The following TET3 variants were observed in gnomAD, a reference collection of about 807,000 sequenced individuals.
TET3 encodes the protein tet methylcytosine dioxygenase 3.
TET3 carries 19 observed loss-of-function variants against 141.4 expected under a neutral mutation model. The observed-to-expected ratio is 0.13, with a 90% CI of 0.09 to 0.20. TET3 has a LOEUF of 0.20. TET3 is among the 10% of genes least tolerant of loss of function. The pLI is 1.00. For missense variants in TET3, 1,874 were observed against 2,356.9 expected (o/e 0.80, Z 4.24); for synonymous variants, 1,043 against 980.9 (o/e 1.06, Z -1.18).
At chr2:74,058,345 C>T (rs1407500488) in intron 4 of TET3, among the ~76,000 whole-genome samples, 2 of 152,084 alleles carry the variant, frequency 1.3e-5, no homozygotes, top group East Asian at 3.9e-4. Context: ...ACTCGGTGTT[C>T]TCGGCGAACA....
chr2:74,066,367 A>C (rs181655823), intron 4 of TET3, among the ~76,000 whole-genome samples: 139 of 152,390 alleles, frequency 9.1e-4, no homozygotes, highest in African/African-American at 3.2e-3. Context: ...AGACATTTAC[A>C]TAACAAGAAA....
rs933360638 is a variant in TET3, at chr2:74,107,625, G to A, written c.*5449G>A. 5 of 152,188 alleles carry A rather than the reference G, an allele frequency of 3.3e-5. No homozygotes were observed. Among genetic ancestry groups the A allele is most frequent in the African/African-American group, 9.6e-5 (4 of 41,528 alleles). 9.4% of individuals were successfully genotyped at this position (152,188 alleles called of 1,614,324 possible). A position where few individuals can be genotyped will look rare whatever the true frequency, so the allele number is the denominator to read the frequency against. On this transcript the variant is annotated 3_prime_UTR_variant, in exon 12 of 12. Coordinates refer to ENST00000409262, the MANE Select transcript of TET3 (RefSeq NM_001287491.2). Reference sequence around the variant, plus strand: ...AAGAAACAAGGGCAGGTCGTATAATGGCATATTAATACATTAGACTTAATC... The same window carrying A: ...AAGAAACAAGGGCAGGTCGTATAATAGCATATTAATACATTAGACTTAATC...
the TET3 span, among the ~76,000 whole-genome samples, chr2:74,113,766 A>G: frequency 6.6e-6 from 1 of 151,982 alleles, no homozygotes; most frequent in Non-Finnish European, 1.5e-5. Context: ...GATGTCTACA[A>G]GGAAAACTAC....
chr2:74,037,251 T>TA (rs1056337808), intron 3 of TET3, among the ~76,000 whole-genome samples: 3 of 152,212 alleles, frequency 2.0e-5, no homozygotes, highest in African/African-American at 7.2e-5. Flanking sequence ...GTTTTATCAA[T>TA]AAATCTTCCG....
At chr2:74,018,187 G>A (rs141274438) in intron 3 of TET3, among the ~76,000 whole-genome samples, 66 of 151,908 alleles carry the variant, frequency 4.3e-4, no homozygotes, top group African/African-American at 1.5e-3. Context: ...GGCTGTTTTC[G>A]AACTCGCGCC....
intron 4 of TET3, among the ~76,000 whole-genome samples, chr2:74,050,254 G>A (rs967942921): frequency 6.6e-6 from 1 of 152,154 alleles, no homozygotes; most frequent in African/African-American, 2.4e-5. Context: ...ACCCATCACG[G>A]TTTCTGCTTC....
At chr2:74,071,946 C>A (rs191097910) in intron 4 of TET3, among the ~76,000 whole-genome samples, 1 of 152,150 alleles carries the variant, frequency 6.6e-6, no homozygotes, top group Non-Finnish European at 1.5e-5. Context: ...TTGAGCTTCA[C>A]GTAAAATTAA....
At chr2:73,988,990 GTTTTTTTTGTT>G (rs1684189794) in intron 2 of TET3, among the ~76,000 whole-genome samples, 3 of 106,304 alleles carry the variant, frequency 2.8e-5, no homozygotes, top group Non-Finnish European at 5.9e-5. Context: ...AAAAAAAAAA[GTTTTTTTTGTT>G]TTTTTTTTTT....
the TET3 span, among the ~76,000 whole-genome samples, chr2:74,129,058 G>A: frequency 0.22 from 31,724 of 147,090 alleles, 3,775 homozygotes; most frequent in East Asian, 0.42. Context: ...CCAGCACTTT[G>A]GGATTAGTGC....
At chr2:74,075,422 A>G (rs1051629091) in intron 5 of TET3, among the ~76,000 whole-genome samples, 8 of 135,134 alleles carry the variant, frequency 5.9e-5, no homozygotes, top group Non-Finnish European at 1.2e-4. Context: ...TCTGCCTCCC[A>G]GGTTCAAGCA....
chr2:74,061,785 G>T (rs1273096175), intron 4 of TET3, among the ~76,000 whole-genome samples: 1 of 139,734 alleles, frequency 7.2e-6, no homozygotes, highest in African/African-American at 2.8e-5. Context: ...AGACGGGGTC[G>T]CGGCCGGGTA....
the TET3 span, among the ~76,000 whole-genome samples, chr2:74,119,932 T>G: frequency 6.6e-6 from 1 of 152,248 alleles, no homozygotes; most frequent in African/African-American, 2.4e-5. Context: ...TATACAAAAT[T>G]CAACCAACGG....
the TET3 span, among the ~76,000 whole-genome samples, chr2:74,119,409 G>T: frequency 6.6e-6 from 1 of 150,450 alleles, no homozygotes; most frequent in Non-Finnish European, 1.5e-5. Flanking sequence ...CAATTGCTTT[G>T]CAGAATGTTC....
the TET3 span, chr2:74,134,346 G>A: frequency 4.6e-6 from 1 of 218,638 alleles, no homozygotes; most frequent in Admixed American, 5.3e-5. Context: ...AGGCAGTTCT[G>A]CCCTGGCAGG....
intron 3 of TET3, among the ~76,000 whole-genome samples, chr2:74,031,893 A>G (rs2105293578): frequency 6.6e-6 from 1 of 152,356 alleles, no homozygotes; most frequent in African/African-American, 2.4e-5. Flanking sequence ...AAGAATGATT[A>G]GAACCTTGGT....
At chr2:74,084,824 C>T (rs188748489) in intron 6 of TET3, among the ~76,000 whole-genome samples, 1 of 152,160 alleles carries the variant, frequency 6.6e-6, no homozygotes, top group Non-Finnish European at 1.5e-5. Flanking sequence ...GTAGTCCCAG[C>T]TACTCTGGAG....
At position 74,046,601 on chromosome 2, in the gene TET3, G is replaced by A. The variant is rs1401175582; in HGVS notation, c.684G>A (p.Met228Ile). ...TCTATGAAACCTTCAACCGTGAGAT[G>A]AGTCGTGAGGCTGGGAACAACAGCA... ...TRLYETFNREMSREAGNNSRG... is the reference protein window; with the variant it reads ...TRLYETFNREISREAGNNSRG... Residue 228 changes from methionine to isoleucine, a missense_variant, in exon 4 of 12, where the codon ATG becomes ATA. Around this residue, in one of 10 missense-constraint regions of TET3, gnomAD observed 366 missense variants for 487.0 expected, o/e 0.75. Transcript: ENST00000409262. This position sits in a 1 kb window ranked among gnomAD's most constrained non-coding sequence, Gnocchi z 4.3. The A allele has an allele frequency of 6.2e-7, 1 of 1,614,060 alleles. No individual in the cohort carries two copies. Among genetic ancestry groups the A allele is most frequent in the Non-Finnish European group, 8.5e-7 (1 of 1,179,886 alleles).
chr2:74,061,696 T>C (rs1273455315), intron 4 of TET3, among the ~76,000 whole-genome samples: 4 of 111,974 alleles, frequency 3.6e-5, no homozygotes, highest in African/African-American at 3.7e-5. Context: ...TCCTCACTTC[T>C]CAGACGGGGC....
chr2:74,028,138 C>T (rs1191139173), intron 3 of TET3, among the ~76,000 whole-genome samples: 1 of 151,688 alleles, frequency 6.6e-6, no homozygotes, highest in Non-Finnish European at 1.5e-5. Flanking sequence ...TGTGTGCCAC[C>T]ACCATGCCTG....
Sources: gnomAD v4.1 joint callset for allele counts (sites outside exome capture counted in the v4.1 genomes callset) on GRCh38, gnomAD v4.1.1 for gene constraint, gnomAD v4.1.1 regional missense constraint, Gnocchi (gnomAD v3.1) non-coding constraint, MANE v1.5 for transcripts, NCBI Gene and HGNC (gene_info 2026-07-23, HGNC 2026-07-21) for gene names.